ADAP1: variants seen among roughly 807,000 people sequenced by gnomAD.
ADAP1 encodes the protein arf-GAP with dual PH domain-containing protein 1.
ADAP1 carries 31 observed loss-of-function variants against 54.9 expected under a neutral mutation model. The ratio of observed to expected loss-of-function variants is 0.56; its 90% CI spans 0.42 to 0.76. The LOEUF (loss-of-function observed/expected upper bound fraction) is 0.76. ADAP1 is among the 30% of genes least tolerant of loss of function. ADAP1 has a pLI of 0.00. For missense variants in ADAP1, 535 were observed against 512.4 expected (o/e 1.04, Z -0.42); for synonymous variants, 313 against 202.6 (o/e 1.55, Z -4.63).
At chr7:902,207 C>T (rs929333880) in intron 6 of ADAP1, among the ~76,000 whole-genome samples, 10 of 150,808 alleles carry the variant, frequency 6.6e-5, no homozygotes, top group Non-Finnish European at 1.2e-4. Flanking sequence ...ACCTGTAATC[C>T]CAGCACTTTG....
chr7:905,609 AGAAAGGAGAAAGGGAAAGGAGAAAGG>A (rs1562912413), intron 4 of ADAP1: 21 of 77,406 alleles, frequency 2.7e-4, no homozygotes, highest in African/African-American at 7.4e-4. Flanking sequence ...AGGAGAAAGG[AGAAAGGAGAAAGGGAAAGGAGAAAGG>A]GAAAGGAGAA....
chr7:902,309 T>C (rs1463954813), intron 6 of ADAP1, among the ~76,000 whole-genome samples: 1 of 149,074 alleles, frequency 6.7e-6, no homozygotes, highest in East Asian at 2.0e-4. Context: ...AAATACAAAA[T>C]TAGCTGGGTG....
Position 920,080 on chromosome 7 carries a change from G to C in ADAP1, c.306-30C>G, listed in dbSNP as rs369212266. On this transcript the variant is annotated intron_variant, in intron 3 of 10. Coordinates refer to ENST00000265846, the MANE Select transcript of ADAP1 (RefSeq NM_006869.4). This position sits in a 1 kb window ranked among gnomAD's most constrained non-coding sequence, Gnocchi z 4.5. ...GGGGAGAGGAGAGACTGAGCCACTG[G>C]GCCAAGGCGGCCTCCGACCCAGCAC... 2.5e-6 allele frequency: 4 copies of C among 1,594,258 alleles called. No homozygotes were observed. The highest frequency in any genetic ancestry group is 3.4e-6 in the Non-Finnish European group (4 of 1,173,862).
At chr7:909,898 G>A (rs1044370561) in intron 4 of ADAP1, among the ~76,000 whole-genome samples, 8 of 152,146 alleles carry the variant, frequency 5.3e-5, no homozygotes, top group African/African-American at 9.7e-5. Flanking sequence ...ACTGTGTGCC[G>A]GTCCCACTGT....
In ADAP1 at chr7:954,397, C is replaced by T. The variant is rs915538886; in HGVS notation, c.81G>A (p.Pro27=). 3.5e-4 allele frequency: 395 copies of T among 1,125,526 alleles called. No homozygotes were observed. Among genetic ancestry groups the T allele is most frequent in the Non-Finnish European group, 4.2e-4 (384 of 910,364 alleles). The allele number at this position is 1,125,526 out of a possible 1,614,324, so 69.7% of individuals were successfully genotyped here. Residue 27 remains proline (P), a splice_region_variant and synonymous_variant, in exon 1 of 11, where the codon CCG becomes CCA. Coordinates refer to ENST00000265846, the MANE Select transcript of ADAP1 (RefSeq NM_006869.4). The part of the protein sequence containing the change: ...GNARCADCGA[P]DPDWASYTLG... ...CGCGCCCACCCGGCCCACACCTACCCGGGGCGCCGCAGTCCGCGCAGCGCG... is the reference window on the plus strand; with the variant it reads ...CGCGCCCACCCGGCCCACACCTACCTGGGGCGCCGCAGTCCGCGCAGCGCG...
intron 2 of ADAP1, among the ~76,000 whole-genome samples, chr7:929,873 C>T (rs150510740): frequency 0.016 from 2,406 of 151,620 alleles, 38 homozygotes; most frequent in Middle Eastern, 0.024. Flanking sequence ...GAGACTGAGG[C>T]GGGAGGATCA....
rs370309976 is a variant in ADAP1 at position 904,647 on chromosome 7, T to C, written c.502-375A>G. On this transcript the variant is annotated intron_variant, in intron 5 of 10. Coordinates refer to ENST00000265846, the MANE Select transcript of ADAP1 (RefSeq NM_006869.4). Reference sequence around the variant, plus strand: ...GCGGGTGCTTCTGACCATCAGCCCATGGGTCTGGGGCCACCTTGTGAAGAC... The same window carrying C: ...GCGGGTGCTTCTGACCATCAGCCCACGGGTCTGGGGCCACCTTGTGAAGAC... Among the ~76,000 whole-genome samples, 38 of 152,308 alleles carry C rather than the reference T, an allele frequency of 2.5e-4. No homozygotes were observed. In the South Asian group the frequency reaches 7.0e-3, roughly 28 times the overall value.
At chr7:911,021 G>T (rs377106410) in intron 4 of ADAP1, among the ~76,000 whole-genome samples, 4 of 152,106 alleles carry the variant, frequency 2.6e-5, no homozygotes, top group African/African-American at 9.7e-5. Flanking sequence ...TGCCTGGCCC[G>T]TCCACCCACG....
chr7:944,476 ACT>A (rs1404542318), intron 1 of ADAP1, among the ~76,000 whole-genome samples: 1 of 151,462 alleles, frequency 6.6e-6, no homozygotes. Context: ...CTGGTCTCAA[ACT>A]CCTGACCTCA....
intron 5 of ADAP1, 69 bp downstream of exon 5, chr7:904,991 G>A: frequency 2.9e-6 from 4 of 1,379,162 alleles, no homozygotes; most frequent in Non-Finnish European, 4.1e-6. Flanking sequence ...GGCCACCACA[G>A]GCCCCAGTGT....
chr7:936,539 C>T (rs571249314), intron 1 of ADAP1, among the ~76,000 whole-genome samples: 12 of 152,328 alleles, frequency 7.9e-5, no homozygotes, highest in Non-Finnish European at 1.3e-4. Flanking sequence ...TGAAATGTCT[C>T]ATTCTGAAAC....
intron 4 of ADAP1, among the ~76,000 whole-genome samples, chr7:906,804 AT>A (rs367796192): frequency 0.13 from 2,824 of 22,386 alleles, 369 homozygotes; most frequent in African/African-American, 0.4. Context: ...GACAGGGGAC[AT>A]GGGGGGACAT....
At chr7:948,914 C>T (rs1318539410) in intron 1 of ADAP1, among the ~76,000 whole-genome samples, 56 of 152,204 alleles carry the variant, frequency 3.7e-4, no homozygotes, top group Non-Finnish European at 5.9e-5. Flanking sequence ...CCAGGATGGT[C>T]CTGATCTCCT....
chr7:905,238 A>G, intron 4 of ADAP1, 66 bp from the exon 5 acceptor site: 4 of 1,186,510 alleles, frequency 3.4e-6, no homozygotes, highest in Non-Finnish European at 4.8e-6. Context: ...AGGAGTGACG[A>G]TGGACAGGAC....
At chr7:921,668 G>A (rs929018629) in intron 3 of ADAP1, among the ~76,000 whole-genome samples, 4 of 152,168 alleles carry the variant, frequency 2.6e-5, no homozygotes, top group African/African-American at 7.2e-5. Flanking sequence ...ACTTTAACAC[G>A]TCTTTTCGGG....
rs1562903473 is a variant in ADAP1, at chr7:898,645, G to GGGGGCCCTGGAGA, written c.*275_*276insTCTCCAGGGCCCC. The GGGGGCCCTGGAGA allele has an allele frequency of 1.5e-5, 8 of 520,662 alleles. No individual in the cohort carries two copies. The African/African-American group carries it at 1.5e-4, about 10-fold the overall frequency. 32.3% of individuals were successfully genotyped at this position (520,662 alleles called of 1,614,324 possible). A position where few individuals can be genotyped will look rare whatever the true frequency, so the allele number is the denominator to read the frequency against. Reference sequence around the variant, plus strand: ...TCGGGAGCCAGACTGGGCCCTGGAGGAAAGGGGGCCCCGGGTCAGGGAGGG... The same window carrying GGGGGCCCTGGAGA: ...TCGGGAGCCAGACTGGGCCCTGGAGGGGGGCCCTGGAGAAAAGGGGGCCCCGGGTCAGGGAGGG... On this transcript the variant is annotated 3_prime_UTR_variant, in exon 11 of 11. Transcript: ENST00000265846.
intron 4 of ADAP1, among the ~76,000 whole-genome samples, chr7:916,453 G>GCCAGC (rs1167149946): frequency 6.6e-6 from 1 of 152,168 alleles, no homozygotes; most frequent in Admixed American, 6.6e-5. Context: ...CTGTGGTCAC[G>GCCAGC]CCAGCCCAGC....
At chr7:936,216 A>ATTTTTTT (rs57738487) in intron 1 of ADAP1, among the ~76,000 whole-genome samples, 28 of 151,410 alleles carry the variant, frequency 1.8e-4, no homozygotes, top group African/African-American at 2.4e-4. Context: ...AGGGAGCAGA[A>ATTTTTTT]TTTTTTTTGA....
chr7:905,405 G>GAGAAAGGAGAA (rs1845115565), intron 4 of ADAP1: 1 of 215,604 alleles, frequency 4.6e-6, no homozygotes, highest in Non-Finnish European at 7.7e-6. Flanking sequence ...AAGGAGAAAG[G>GAGAAAGGAGAA]AGAAAGGGAG....
Sources: gnomAD v4.1 joint callset for allele counts (sites outside exome capture counted in the v4.1 genomes callset) on GRCh38, gnomAD v4.1.1 for gene constraint, Gnocchi (gnomAD v3.1) non-coding constraint, MANE v1.5 for transcripts, NCBI Gene and HGNC (gene_info 2026-07-23, HGNC 2026-07-21) for gene names.